Variants in ERC2 observed in about 807,000 individuals in gnomAD.
ERC2 encodes ELKS/RAB6-interacting/CAST family member 2, also known as ERC protein 2.
In ERC2, 42 loss-of-function variants were observed where a neutral mutation model predicts 114.8. The observed-to-expected ratio is 0.37, with a 90% CI of 0.29 to 0.47. ERC2 has a LOEUF of 0.47. ERC2 is among the 20% of genes least tolerant of loss of function. ERC2 has a pLI of 0.99. For synonymous variants in ERC2, 454 were observed against 425.5 expected, an observed-to-expected ratio of 1.07 and a Z score of -0.82; for missense variants, 939 against 1,150.7, an observed-to-expected ratio of 0.82 and a Z score of 2.66.
intron 15 of ERC2, among the ~76,000 whole-genome samples, chr3:55,703,851 G>C (rs755961562): frequency 2.0e-5 from 3 of 152,176 alleles, no homozygotes; most frequent in African/African-American, 4.8e-5. Flanking sequence ...CGAAGGAAGA[G>C]TATGTGCATA....
chr3:56,390,034 T>A lies in ERC2; in HGVS notation c.657+44317A>T, dbSNP rs532459678. ...ATTTAGTTAATAATTCCTTTTTCCA[T>A]TCTAAACCAGTGACGGCCAACAAAA... On this transcript the variant is annotated intron_variant, in intron 2 of 17. Coordinates refer to ENST00000288221, the MANE Select transcript of ERC2 (RefSeq NM_015576.3). Among the ~76,000 whole-genome samples, 65 of 152,302 alleles carry A rather than the reference T, an allele frequency of 4.3e-4. No individual in the cohort carries two copies. In the South Asian group the frequency reaches 0.013, roughly 31 times the overall value.
intron 12 of ERC2, chr3:55,955,272 G>A: frequency 4.6e-6 from 2 of 434,570 alleles, no homozygotes; most frequent in Admixed American, 2.5e-5. Flanking sequence ...GTGTGTGTGT[G>A]TGTGTGTGTG....
intron 2 of ERC2, among the ~76,000 whole-genome samples, chr3:56,301,629 G>A (rs953026988): frequency 2.0e-5 from 3 of 152,166 alleles, no homozygotes; most frequent in Admixed American, 2.0e-4. Context: ...CCAGCTACTT[G>A]GGAGGCTGAG....
intron 3 of ERC2, among the ~76,000 whole-genome samples, chr3:56,218,027 A>G (rs2049614308): frequency 6.6e-6 from 1 of 152,254 alleles, no homozygotes; most frequent in South Asian, 2.1e-4. Context: ...ACCTGAAACC[A>G]TAAAAACCCT....
At position 55,950,414 on chromosome 3, in the gene ERC2, C is replaced by G; in HGVS notation, c.2403+11G>C. 6.2e-7 allele frequency: 1 copy of G among 1,613,778 alleles called. No homozygotes were observed. Among genetic ancestry groups the G allele is most frequent in the Non-Finnish European group, 8.5e-7 (1 of 1,179,782 alleles). ...GTTATTTAGCGATTAAGAAGAGAAG[C>G]CTGTGCTTACCTGCAAATGCTGTGA... On this transcript the variant is annotated intron_variant, in intron 13 of 17. Coordinates refer to ENST00000288221, the MANE Select transcript of ERC2 (RefSeq NM_015576.3).
intron 6 of ERC2, among the ~76,000 whole-genome samples, chr3:56,128,687 AC>A (rs1420451730): frequency 6.6e-6 from 1 of 152,032 alleles, no homozygotes; most frequent in African/African-American, 2.4e-5. Flanking sequence ...CAGTTCTGTG[AC>A]CCCTCCTGAT....
intron 17 of ERC2, among the ~76,000 whole-genome samples, chr3:55,573,318 T>G (rs2056817394): frequency 6.6e-6 from 1 of 152,194 alleles, no homozygotes; most frequent in South Asian, 2.1e-4. Flanking sequence ...TATTTGAGAA[T>G]TGTCTGAGAT....
At chr3:55,543,314 A>G (rs1035883367) in intron 17 of ERC2, among the ~76,000 whole-genome samples, 7 of 152,224 alleles carry the variant, frequency 4.6e-5, no homozygotes, top group Admixed American at 1.3e-4. Context: ...AGTAACATCG[A>G]GGGCCAGAGC....
chr3:55,748,081 A>G (rs2066424105), intron 14 of ERC2, among the ~76,000 whole-genome samples: 1 of 152,180 alleles, frequency 6.6e-6, no homozygotes, highest in Non-Finnish European at 1.5e-5. Flanking sequence ...AAAGAATCGC[A>G]AGGGAGCCAG....
At chr3:55,823,605 A>C (rs974882566) in intron 14 of ERC2, among the ~76,000 whole-genome samples, 1 of 152,214 alleles carries the variant, frequency 6.6e-6, no homozygotes, top group African/African-American at 2.4e-5. Flanking sequence ...GGCCTACTGG[A>C]ATTGAGAAGC....
At chr3:56,172,138 A>G (rs922198676) in intron 4 of ERC2, among the ~76,000 whole-genome samples, 4 of 151,806 alleles carry the variant, frequency 2.6e-5, no homozygotes, top group African/African-American at 9.7e-5. Context: ...CCAGTGTAGA[A>G]TGTTCAGTTT....
intron 2 of ERC2, among the ~76,000 whole-genome samples, chr3:56,428,151 TGG>T (rs1486166836): frequency 1.4e-4 from 21 of 152,178 alleles, no homozygotes; most frequent in Non-Finnish European, 2.8e-4. Flanking sequence ...CACTTCCAAT[TGG>T]CACAACTCAT....
chr3:55,563,381 C>G (rs2056164670), intron 17 of ERC2, among the ~76,000 whole-genome samples: 1 of 147,642 alleles, frequency 6.8e-6, no homozygotes, highest in Non-Finnish European at 1.5e-5. Flanking sequence ...ATCAATTGCT[C>G]TCACGTATTT....
intron 17 of ERC2, among the ~76,000 whole-genome samples, chr3:55,584,537 C>T (rs1559695661): frequency 6.6e-6 from 1 of 152,106 alleles, no homozygotes; most frequent in South Asian, 2.1e-4. Context: ...CACACCTCTC[C>T]TACCTTCCCA....
intron 3 of ERC2, among the ~76,000 whole-genome samples, chr3:56,253,610 G>C (rs1383424673): frequency 6.6e-6 from 1 of 152,232 alleles, no homozygotes; most frequent in Non-Finnish European, 1.5e-5. Flanking sequence ...AGGCTTGAGA[G>C]ATAACTGTAG....
intron 8 of ERC2, 27 bp from the exon 9 acceptor site, chr3:56,010,616 A>T: frequency 5.6e-6 from 9 of 1,607,956 alleles, no homozygotes; most frequent in Non-Finnish European, 7.6e-6. Context: ...AAAAAAGAAG[A>T]GGTGAGAACC....
intron 14 of ERC2, among the ~76,000 whole-genome samples, chr3:55,770,786 T>TCC (rs2068139908): frequency 6.6e-6 from 1 of 152,044 alleles, no homozygotes; most frequent in African/African-American, 2.4e-5. Context: ...CCTAATGCTC[T>TCC]CCCTCCCCTT....
chr3:56,037,856 A>C (rs1354494653), intron 7 of ERC2, among the ~76,000 whole-genome samples: 1 of 152,196 alleles, frequency 6.6e-6, no homozygotes, highest in Non-Finnish European at 1.5e-5. Flanking sequence ...TGGACCTCTC[A>C]GTGGAAACTT....
At chr3:56,032,921 A>AG (rs1560056350) in intron 7 of ERC2, among the ~76,000 whole-genome samples, 1 of 80,782 alleles carries the variant, frequency 1.2e-5, no homozygotes, top group Non-Finnish European at 2.8e-5. Flanking sequence ...GAAAGAAAGA[A>AG]AGAAAGAAAG....
Sources: gnomAD v4.1 joint callset for allele counts (sites outside exome capture counted in the v4.1 genomes callset) on GRCh38, gnomAD v4.1.1 for gene constraint, MANE v1.5 for transcripts, NCBI Gene and HGNC (gene_info 2026-07-23, HGNC 2026-07-21) for gene names.